The following MAGI1 variants were observed in gnomAD, a reference collection of about 807,000 sequenced individuals.
MAGI1 encodes membrane-associated guanylate kinase, WW and PDZ domain-containing protein 1.
A neutral mutation model predicts 139.9 loss-of-function variants in MAGI1; 58 were observed. That is an observed-to-expected ratio of 0.41 (90% confidence interval 0.34 to 0.52). The LOEUF (loss-of-function observed/expected upper bound fraction) is 0.52. MAGI1 is among the 20% of genes least tolerant of loss of function. The probability of loss-of-function intolerance (pLI) is 0.12; values close to 1 mark genes in which losing one functional copy is unlikely to be tolerated. For synonymous variants in MAGI1, 812 were observed against 737.9 expected, an observed-to-expected ratio of 1.10 and a Z score of -1.63; for missense variants, 1,874 against 1,901.6, an observed-to-expected ratio of 0.99 and a Z score of 0.27.
chr3:65,974,814 C>A (rs2065187137), intron 1 of MAGI1, among the ~76,000 whole-genome samples: 1 of 152,104 alleles, frequency 6.6e-6, no homozygotes, highest in South Asian at 2.1e-4. Flanking sequence ...GGACAGAAGG[C>A]AGATTTTTAT....
intron 3 of MAGI1, among the ~76,000 whole-genome samples, chr3:65,491,891 A>G (rs1421259394): frequency 3.9e-5 from 6 of 152,136 alleles, no homozygotes; most frequent in Admixed American, 6.5e-5. Flanking sequence ...TGTCTACTGT[A>G]TATTCACAAT....
chr3:65,444,201 A>C (rs11720379), intron 7 of MAGI1, among the ~76,000 whole-genome samples: 95,322 of 152,068 alleles, frequency 0.63, 31,152 homozygotes, highest in East Asian at 0.94. Flanking sequence ...AAGCTACTAA[A>C]ATGCAAGACA....
intron 12 of MAGI1, among the ~76,000 whole-genome samples, chr3:65,421,379 G>A (rs1034828811): frequency 1.3e-5 from 2 of 152,288 alleles, no homozygotes; most frequent in South Asian, 2.1e-4. Context: ...TAGGCAGCAC[G>A]TTGGATGTGA....
At chr3:65,951,520 C>T (rs962012750) in intron 1 of MAGI1, among the ~76,000 whole-genome samples, 5 of 152,148 alleles carry the variant, frequency 3.3e-5, no homozygotes, top group South Asian at 2.1e-4. Flanking sequence ...ATGAAAAACA[C>T]GTCAAATATC....
At chr3:65,674,011 G>A (rs2087022444) in intron 1 of MAGI1, among the ~76,000 whole-genome samples, 1 of 152,142 alleles carries the variant, frequency 6.6e-6, no homozygotes, top group African/African-American at 2.4e-5. Flanking sequence ...GGCTGAGGTT[G>A]GAGACTCTCT....
intron 2 of MAGI1, among the ~76,000 whole-genome samples, chr3:65,584,561 T>C (rs1366710758): frequency 6.6e-6 from 1 of 152,162 alleles, no homozygotes; most frequent in Non-Finnish European, 1.5e-5. Context: ...GTCACAGCTC[T>C]TTTGGCCTTT....
intron 1 of MAGI1, among the ~76,000 whole-genome samples, chr3:65,934,301 T>G (rs981376717): frequency 2.0e-5 from 3 of 151,542 alleles, no homozygotes; most frequent in Non-Finnish European, 2.9e-5. Context: ...CTTGCTGGGT[T>G]GCCCAGGCTG....
At chr3:65,378,407 T>A (rs1942740087) in intron 17 of MAGI1, among the ~76,000 whole-genome samples, 1 of 152,102 alleles carries the variant, frequency 6.6e-6, no homozygotes, top group African/African-American at 2.4e-5. Flanking sequence ...TTAAAAAAAA[T>A]TCCTATGGGG....
chr3:65,388,834 A>AT (rs35579495), intron 14 of MAGI1, among the ~76,000 whole-genome samples: 70,696 of 91,344 alleles, frequency 0.77, 31,025 homozygotes, highest in Non-Finnish European at 0.87. Flanking sequence ...ACCATTCCGA[A>AT]TTTTTTTTTT....
At chr3:65,713,765 G>A (rs1179822562) in intron 1 of MAGI1, among the ~76,000 whole-genome samples, 1 of 152,164 alleles carries the variant, frequency 6.6e-6, no homozygotes, top group Non-Finnish European at 1.5e-5. Flanking sequence ...GTCAAACACT[G>A]AGAAAACCCT....
intron 1 of MAGI1, among the ~76,000 whole-genome samples, chr3:65,651,473 T>C (rs1255398397): frequency 6.6e-6 from 1 of 152,100 alleles, no homozygotes; most frequent in Non-Finnish European, 1.5e-5. Flanking sequence ...AAACACTCAG[T>C]GCCTTGATGG....
rs1224489212 is a variant in MAGI1, at chr3:65,913,983, T to C, written c.313+124013A>G. Reference sequence around the variant, plus strand: ...AATTGCTTTAAACCCAGAGAGACCATTAGAAAGGACAAAGGGAGACAAAGA... The same window carrying C: ...AATTGCTTTAAACCCAGAGAGACCACTAGAAAGGACAAAGGGAGACAAAGA... On this transcript the variant is annotated intron_variant, in intron 1 of 22. Transcript: ENST00000402939. 4.7e-5 allele frequency: 7 copies of C among 150,382 alleles called. No homozygotes were observed. The East Asian group carries it at 9.7e-4, about 21-fold the overall frequency. The allele number at this position is 150,382 out of a possible 1,614,324, so 9.3% of individuals were successfully genotyped here.
At chr3:65,845,086 A>T (rs766480008) in intron 1 of MAGI1, among the ~76,000 whole-genome samples, 2 of 152,084 alleles carry the variant, frequency 1.3e-5, no homozygotes, top group African/African-American at 4.8e-5. Flanking sequence ...CCCCGTCTCT[A>T]TTAAAAATAC....
chr3:65,457,002 C>T (rs1356035131), intron 5 of MAGI1, among the ~76,000 whole-genome samples: 1 of 152,060 alleles, frequency 6.6e-6, no homozygotes, highest in Non-Finnish European at 1.5e-5. Context: ...CTTCATTCTT[C>T]CTTTTTGTAA....
At chr3:65,787,444 G>C (rs2039474081) in intron 1 of MAGI1, among the ~76,000 whole-genome samples, 2 of 151,384 alleles carry the variant, frequency 1.3e-5, no homozygotes. Flanking sequence ...GTCGGTTCTA[G>C]GCAGCCCAGA....
At chr3:65,811,860 G>A (rs751340276) in intron 1 of MAGI1, among the ~76,000 whole-genome samples, 2 of 151,772 alleles carry the variant, frequency 1.3e-5, no homozygotes, top group African/African-American at 2.4e-5. Context: ...GTCATTACCA[G>A]CTAGTTGATT....
intron 1 of MAGI1, among the ~76,000 whole-genome samples, chr3:65,959,795 TCTC>T (rs1474804228): frequency 4.6e-5 from 5 of 109,810 alleles, no homozygotes; most frequent in Admixed American, 1.2e-4. Context: ...AAATAAATTC[TCTC>T]TTTTTTTTTT....
chr3:65,361,210 A>G lies in MAGI1; in HGVS notation c.3623T>C (p.Val1208Ala). The G allele has an allele frequency of 6.2e-7, 1 of 1,614,176 alleles. No individual in the cohort carries two copies. Among genetic ancestry groups the G allele is most frequent in the South Asian group, 1.1e-5 (1 of 91,080 alleles). Residue 1208 changes from valine to alanine, a missense_variant, in exon 22 of 23, where the codon GTA becomes GCA. Around this residue, in one of 5 missense-constraint regions of MAGI1, gnomAD observed 653 missense variants for 644.5 expected, o/e 1.01. Coordinates refer to ENST00000402939, the MANE Select transcript of MAGI1 (RefSeq NM_001033057.2). ...ATAGTTTGACCCACCATATTCTGGT[A>G]CTGAGCCGTCTCCCCGCTTCAGAAA... ...RLFLKRGDGS[V>A]PEYDPSSDRH...
intron 1 of MAGI1, among the ~76,000 whole-genome samples, chr3:65,942,037 T>C (rs2063339438): frequency 6.6e-6 from 1 of 152,214 alleles, no homozygotes; most frequent in South Asian, 2.1e-4. Context: ...TCCGCCTGCC[T>C]TGGCCTCCCA....
Sources: allele counts gnomAD v4.1 joint callset (sites outside exome capture counted in the v4.1 genomes callset), GRCh38; gene constraint gnomAD v4.1.1; regional missense constraint gnomAD v4.1.1; transcripts MANE v1.5; gene names NCBI Gene and HGNC (gene_info 2026-07-23, HGNC 2026-07-21).